TDRD1: variants seen among roughly 807,000 people sequenced by gnomAD.
TDRD1 encodes tudor domain-containing protein 1.
Under a neutral mutation model 140.6 loss-of-function variants are expected in TDRD1, and 37 were observed. The observed-to-expected ratio is 0.26, with a 90% CI of 0.20 to 0.35. TDRD1 has a LOEUF of 0.35. TDRD1 is among the 10% of genes least tolerant of loss of function. TDRD1 has a pLI of 1.00. For synonymous variants in TDRD1, 506 were observed against 475.7 expected, an observed-to-expected ratio of 1.06 and a Z score of -0.83; for missense variants, 1,243 against 1,393.0, an observed-to-expected ratio of 0.89 and a Z score of 1.71.
At chr10:114,218,703 A>G in intron 18 of TDRD1, 119 bp downstream of exon 18, 1 of 744,486 alleles carries the variant, frequency 1.3e-6, no homozygotes. Context: ...TCATATTATA[A>G]AACTTAGAAA....
At chr10:114,188,728 A>C (rs1185016245) in intron 2 of TDRD1, among the ~76,000 whole-genome samples, 1 of 152,034 alleles carries the variant, frequency 6.6e-6, no homozygotes, top group East Asian at 1.9e-4. Flanking sequence ...GTGGTGGCAC[A>C]AGCCTGTAGT....
exon 12 of TDRD1, chr10:114,210,725 T>C: frequency 1.2e-6 from 2 of 1,611,052 alleles, no homozygotes; most frequent in Non-Finnish European, 1.7e-6. Flanking sequence ...GAAGACTTCT[T>C]TTGTCAACAA....
chr10:114,204,550 T>C (rs2132991308), intron 9 of TDRD1, among the ~76,000 whole-genome samples, 172 bp from the exon 10 acceptor site: 1 of 152,342 alleles, frequency 6.6e-6, no homozygotes, highest in South Asian at 2.1e-4. Flanking sequence ...GCGTTATGAA[T>C]ACAGTACTAA....
intron 1 of TDRD1, among the ~76,000 whole-genome samples, chr10:114,185,770 G>C (rs1289831929): frequency 6.9e-6 from 1 of 144,978 alleles, no homozygotes; most frequent in Admixed American, 6.9e-5. Flanking sequence ...TGTATTTTTA[G>C]TAGAGACAGA....
At chr10:114,177,489 A>G (rs925376572), upstream of TDRD1, among the ~76,000 whole-genome samples, 1 of 152,238 alleles carries the variant, frequency 6.6e-6, no homozygotes, top group East Asian at 1.9e-4. Flanking sequence ...GACAAATTCC[A>G]AAAGTAGGGC....
chr10:114,185,976 C>G (rs1470509240), intron 1 of TDRD1, among the ~76,000 whole-genome samples: 1 of 152,118 alleles, frequency 6.6e-6, no homozygotes, highest in East Asian at 1.9e-4. Context: ...ATATGTGTGC[C>G]TTTTGTGCCT....
intron 1 of TDRD1, among the ~76,000 whole-genome samples, chr10:114,186,368 A>G (rs1281048638): frequency 6.6e-6 from 1 of 151,954 alleles, no homozygotes; most frequent in Non-Finnish European, 1.5e-5. Context: ...AGTTCATGCC[A>G]TTCTCCTGCC....
At chr10:114,215,523 A>G (rs1044476549) in intron 16 of TDRD1, among the ~76,000 whole-genome samples, 5 of 152,070 alleles carry the variant, frequency 3.3e-5, no homozygotes, top group Admixed American at 6.5e-5. Context: ...CCTCACAAAC[A>G]TTGTGTGTTT....
At chr10:114,184,669 C>T (rs1376591362) in intron 1 of TDRD1, among the ~76,000 whole-genome samples, 2 of 152,304 alleles carry the variant, frequency 1.3e-5, no homozygotes, top group East Asian at 1.9e-4. Context: ...AATATTTATC[C>T]CACTTTTGAA....
exon 23 of TDRD1, chr10:114,227,140 C>A: frequency 2.5e-6 from 4 of 1,606,712 alleles, no homozygotes; most frequent in South Asian, 1.1e-5. Context: ...CATGTTGAAT[C>A]AGAATGTAAT....
At chr10:114,213,228 C>T (rs1344684950) in intron 14 of TDRD1, 118 bp from the exon 15 acceptor site, 2 of 877,284 alleles carry the variant, frequency 2.3e-6, no homozygotes, top group Non-Finnish European at 3.4e-6. Flanking sequence ...TCTTAAGTGA[C>T]ACGTTTCCGT....
chr10:114,227,811 A>C, intron 23 of TDRD1, 99 bp from the exon 24 acceptor site: 14 of 873,278 alleles, frequency 1.6e-5, no homozygotes, highest in Non-Finnish European at 1.7e-5. Context: ...GTCGGAACCC[A>C]TGCGCAAGGG....
At chr10:114,227,685 A>T (rs1237584271) in intron 23 of TDRD1, among the ~76,000 whole-genome samples, 1 of 152,220 alleles carries the variant, frequency 6.6e-6, no homozygotes, top group Non-Finnish European at 1.5e-5. Flanking sequence ...GCCTCAATCA[A>T]AAAGAGAGAT....
intron 18 of TDRD1, among the ~76,000 whole-genome samples, chr10:114,219,705 A>C (rs2036030467): frequency 6.6e-6 from 1 of 150,762 alleles, no homozygotes; most frequent in Admixed American, 6.6e-5. Context: ...CTCCTACCTC[A>C]TCAGCCTCCT....
chr10:114,196,391 A>T (rs143247224), intron 3 of TDRD1, among the ~76,000 whole-genome samples: 1 of 152,176 alleles, frequency 6.6e-6, no homozygotes, highest in African/African-American at 2.4e-5. Flanking sequence ...TTGATTTCCC[A>T]TTCATTCCTG....
intron 25 of TDRD1, chr10:114,228,187 G>T (rs756137106): frequency 4.0e-6 from 6 of 1,503,580 alleles, no homozygotes; most frequent in Middle Eastern, 2.4e-4. Context: ...ACATCTTCAG[G>T]CATATTGGCA....
At chr10:114,199,309 G>A (rs1359036750) in exon 4 of TDRD1, 3 of 1,603,182 alleles carry the variant, frequency 1.9e-6, no homozygotes, top group Non-Finnish European at 2.5e-6. Flanking sequence ...CATCGCTGTG[G>A]CCTATTTGGT....
At chr10:114,222,783 A>G in intron 21 of TDRD1, 80 bp downstream of exon 21, 1 of 760,552 alleles carries the variant, frequency 1.3e-6, no homozygotes, top group South Asian at 1.8e-5. Context: ...AGATTTTGGT[A>G]TTTTAGCTGC....
chr10:114,189,624 C>T (rs1299701543), intron 2 of TDRD1, among the ~76,000 whole-genome samples: 1 of 152,146 alleles, frequency 6.6e-6, no homozygotes, highest in East Asian at 1.9e-4. Context: ...GACAGTCTCA[C>T]TCTGTCACCC....
Sources: allele counts gnomAD v4.1 joint callset (sites outside exome capture counted in the v4.1 genomes callset), GRCh38; gene constraint gnomAD v4.1.1; transcripts MANE v1.5; gene names NCBI Gene and HGNC (gene_info 2026-07-23, HGNC 2026-07-21).